Variants in ALMS1 observed in about 807,000 individuals in gnomAD.
ALMS1 encodes ALMS1 centrosome and basal body associated protein, also known as centrosome-associated protein ALMS1.
Under a neutral mutation model 352.2 loss-of-function variants are expected in ALMS1, and 271 were observed. That is an observed-to-expected ratio of 0.77 (90% CI 0.70 to 0.85). ALMS1 has a LOEUF of 0.85. Ranked by LOEUF, ALMS1 falls within the 40% of genes least tolerant of loss-of-function variation. The pLI is 0.00. For missense variants in ALMS1, 5,445 were observed against 4,870.7 expected, an observed-to-expected ratio of 1.12 and a Z score of -3.51; for synonymous variants, 1,865 against 1,761.2, an observed-to-expected ratio of 1.06 and a Z score of -1.48.
At chr2:73,502,610 G>A (rs533762465) in intron 10 of ALMS1, among the ~76,000 whole-genome samples, 2 of 152,138 alleles carry the variant, frequency 1.3e-5, no homozygotes, top group Admixed American at 1.3e-4. Flanking sequence ...TCATGAATGG[G>A]TGTTTAATTT....
At position 73,558,992 on chromosome 2, in the gene ALMS1, G is replaced by T. The variant is rs1454233838; in HGVS notation, c.10234G>T (p.Ala3412Ser). Residue 3412 changes from alanine to serine, a missense_variant, in exon 15 of 23, where the codon GCA becomes TCA. Ala to Ser is a moderately conservative substitution (Grantham distance 99, BLOSUM62 1). Transcript: ENST00000613296. ...CGTAGATTCCAGTGCTGCTGCTGCTGCAGAGCACTCAGCTCAAGTAGGAGA... is the reference window on the plus strand; with the variant it reads ...CGTAGATTCCAGTGCTGCTGCTGCTTCAGAGCACTCAGCTCAAGTAGGAGA... Reference protein sequence around the residue: ...DTADSSAAAAAEHSAQVGDPE... With the variant: ...DTADSSAAAASEHSAQVGDPE... The T allele has an allele frequency of 5.0e-6, 8 of 1,613,972 alleles. No homozygotes were observed. The highest frequency in any genetic ancestry group is 6.8e-6 in the Non-Finnish European group (8 of 1,179,922).
intron 10 of ALMS1, among the ~76,000 whole-genome samples, chr2:73,493,522 A>G (rs1326075757): frequency 6.6e-6 from 1 of 152,074 alleles, no homozygotes; most frequent in Non-Finnish European, 1.5e-5. Context: ...TGAGAATTTG[A>G]GACCAGCATG....
chr2:73,482,887 T>C (rs1672744060), intron 9 of ALMS1, among the ~76,000 whole-genome samples: 1 of 152,142 alleles, frequency 6.6e-6, no homozygotes, highest in Non-Finnish European at 1.5e-5. Context: ...TAGTATTCTC[T>C]GATGGTAGTT....
In ALMS1 at chr2:73,405,823, T is replaced by C. The variant is rs531745992; in HGVS notation, c.325-2799T>C. 3.5e-4 allele frequency among the ~76,000 whole-genome samples: 53 copies of C among 152,334 alleles called. No individual in the cohort carries two copies. The South Asian group carries it at 0.01, about 30-fold the overall frequency. On this transcript the variant is annotated intron_variant, in intron 1 of 22. Coordinates refer to ENST00000613296, the MANE Select transcript of ALMS1 (RefSeq NM_001378454.1). ...ACTTCTGTCGTGACCCATTGTCTTT[T>C]TAAGAGTTTGTTGTTTAATTTCTAT...
rs145141634 is a variant in ALMS1 at position 73,401,804 on chromosome 2, C to T, written c.325-6818C>T. On this transcript the variant is annotated intron_variant, in intron 1 of 22. Transcript: ENST00000613296. Reference sequence around the variant, plus strand: ...TTGCTAAACTTGCTGATCCATCATACCTGCAACTTTGAATCCTCTGACCTG... The same window carrying T: ...TTGCTAAACTTGCTGATCCATCATATCTGCAACTTTGAATCCTCTGACCTG... Among the ~76,000 whole-genome samples the T allele has an allele frequency of 5.3e-3, 806 of 152,170 alleles. 3 individuals carry two copies. Among genetic ancestry groups the T allele is most frequent in the Non-Finnish European group, 8.3e-3 (562 of 68,010 alleles).
intron 16 of ALMS1, among the ~76,000 whole-genome samples, chr2:73,583,071 G>T: frequency 6.6e-6 from 1 of 151,868 alleles, no homozygotes; most frequent in South Asian, 2.1e-4. Flanking sequence ...CATCCTCATG[G>T]GTGTGAGGTA....
chr2:73,470,324 C>G (rs1279510148), intron 9 of ALMS1: 1 of 151,532 alleles, frequency 6.6e-6, no homozygotes, highest in Non-Finnish European at 1.5e-5. Context: ...AGGCAATTAT[C>G]ATTAGAAACT....
chr2:73,390,283 A>T (rs1670618967), intron 1 of ALMS1, among the ~76,000 whole-genome samples: 1 of 152,218 alleles, frequency 6.6e-6, no homozygotes, highest in South Asian at 2.1e-4. Flanking sequence ...TCTTGCTAGA[A>T]ATTTATGAAC....
At chr2:73,417,131 G>A (rs189193458) in intron 2 of ALMS1, among the ~76,000 whole-genome samples, 185 of 152,082 alleles carry the variant, frequency 1.2e-3, no homozygotes, top group African/African-American at 4.1e-3. Context: ...TAGAGGAAAC[G>A]TGGTAAAGAG....
chr2:73,456,564 A>G (rs1672070783), intron 9 of ALMS1, among the ~76,000 whole-genome samples: 1 of 152,198 alleles, frequency 6.6e-6, no homozygotes. Context: ...TTAATCCTGA[A>G]AGAATTGATA....
chr2:73,459,590 C>T (rs551627425), intron 9 of ALMS1: 5 of 152,152 alleles, frequency 3.3e-5, no homozygotes, highest in African/African-American at 1.2e-4. Context: ...TTCGTTTACT[C>T]AAAGGGTCAC....
Position 73,423,469 on chromosome 2 carries a change from A to G in ALMS1, c.764+495A>G, listed in dbSNP as rs529255202. Among the ~76,000 whole-genome samples, 4 of 152,326 alleles carry G rather than the reference A, an allele frequency of 2.6e-5. No homozygotes were observed. In the South Asian group the frequency reaches 8.3e-4, roughly 32 times the overall value. ...TATGAACAGACATATCCAAATGAAC[A>G]GATACTCCAAATTCATGTCCTTTAG... On this transcript the variant is annotated intron_variant, in intron 4 of 22. Coordinates refer to ENST00000613296, the MANE Select transcript of ALMS1 (RefSeq NM_001378454.1).
At chr2:73,436,779 C>T (rs971109408) in intron 7 of ALMS1, among the ~76,000 whole-genome samples, 7 of 152,182 alleles carry the variant, frequency 4.6e-5, no homozygotes, top group African/African-American at 1.7e-4. Context: ...ACTTTGCCAT[C>T]ATACCTATCT....
intron 1 of ALMS1, among the ~76,000 whole-genome samples, chr2:73,400,150 T>C (rs1018958621): frequency 1.5e-4 from 23 of 152,048 alleles, no homozygotes; most frequent in African/African-American, 5.1e-4. Context: ...CTCACTTTGT[T>C]GCCCAGGCTG....
At chr2:73,545,720 A>G (rs1020471230) in intron 12 of ALMS1, among the ~76,000 whole-genome samples, 1 of 152,232 alleles carries the variant, frequency 6.6e-6, no homozygotes, top group Non-Finnish European at 1.5e-5. Flanking sequence ...ATATGTTGAT[A>G]TTGTCTCATG....
At chr2:73,584,267 G>C (rs1043199970) in intron 16 of ALMS1, among the ~76,000 whole-genome samples, 3 of 152,112 alleles carry the variant, frequency 2.0e-5, no homozygotes, top group African/African-American at 7.2e-5. Context: ...TATAGTAGTA[G>C]TATTACTATA....
At chr2:73,599,286 T>G in intron 16 of ALMS1, 115 bp from the exon 17 acceptor site, 1 of 1,354,524 alleles carries the variant, frequency 7.4e-7, no homozygotes, top group Non-Finnish European at 1.0e-6. Flanking sequence ...TTCCTCCAAA[T>G]GCATCTCAAC....
At chr2:73,418,581 G>C (rs1282451418) in intron 2 of ALMS1, among the ~76,000 whole-genome samples, 1 of 152,196 alleles carries the variant, frequency 6.6e-6, no homozygotes, top group Non-Finnish European at 1.5e-5. Flanking sequence ...TCTGTCTGCA[G>C]ATTGCTTAAC....
At chr2:73,526,477 T>G (rs745500411) in intron 11 of ALMS1, among the ~76,000 whole-genome samples, 2 of 152,172 alleles carry the variant, frequency 1.3e-5, no homozygotes, top group African/African-American at 2.4e-5. Flanking sequence ...TCATCAGTGT[T>G]TTATAGTTTC....
Sources: allele counts gnomAD v4.1 joint callset (sites outside exome capture counted in the v4.1 genomes callset), GRCh38; gene constraint gnomAD v4.1.1; transcripts MANE v1.5; gene names NCBI Gene and HGNC (gene_info 2026-07-23, HGNC 2026-07-21).